GNA14: variants seen among roughly 807,000 people sequenced by gnomAD.
The protein encoded by GNA14 is guanine nucleotide-binding protein subunit alpha-14.
GNA14 carries 50 observed loss-of-function variants against 42.0 expected under a neutral mutation model. The ratio of observed to expected loss-of-function variants is 1.19; its 90% CI spans 0.95 to 1.51. The LOEUF is 1.51. Ranked by LOEUF, GNA14 falls within the 40% of genes most tolerant of loss-of-function variation. The pLI is 0.00. For missense variants in GNA14, 473 were observed against 446.2 expected, an observed-to-expected ratio of 1.06 and a Z score of -0.54; for synonymous variants, 173 against 163.1, an observed-to-expected ratio of 1.06 and a Z score of -0.46.
chr9:77,541,680 T>C (rs1837662461), intron 1 of GNA14, among the ~76,000 whole-genome samples: 1 of 152,178 alleles, frequency 6.6e-6, no homozygotes, highest in Admixed American at 6.5e-5. Flanking sequence ...ATTTAAATTT[T>C]GGTTGCTTTA....
chr9:77,466,952 TGCTTAA>T (rs1241422470), intron 2 of GNA14, among the ~76,000 whole-genome samples: 2 of 151,940 alleles, frequency 1.3e-5, no homozygotes, highest in Non-Finnish European at 2.9e-5. Flanking sequence ...TCAAAGGTTG[TGCTTAA>T]GCCCTCTCAG....
chr9:77,477,260 T>C (rs1032756146), intron 2 of GNA14, among the ~76,000 whole-genome samples: 14 of 152,120 alleles, frequency 9.2e-5, no homozygotes, highest in East Asian at 5.8e-4. Flanking sequence ...GGTGGGAGGA[T>C]TGCTTGAGCC....
intron 1 of GNA14, 96 bp downstream of exon 1, chr9:77,647,574 G>C (rs569754038): frequency 3.0e-5 from 41 of 1,385,934 alleles, no homozygotes; most frequent in Non-Finnish European, 3.8e-5. Flanking sequence ...CCTGCACCCC[G>C]CTGGGCTCCA....
intron 2 of GNA14, among the ~76,000 whole-genome samples, chr9:77,489,905 G>T (rs557890737): frequency 6.6e-6 from 1 of 152,244 alleles, no homozygotes; most frequent in South Asian, 2.1e-4. Flanking sequence ...GAAGGGGACC[G>T]GAGCAGGTTG....
chr9:77,451,082 C>T (rs1835893955), intron 2 of GNA14, among the ~76,000 whole-genome samples: 1 of 152,120 alleles, frequency 6.6e-6, no homozygotes, highest in Non-Finnish European at 1.5e-5. Flanking sequence ...AATACGGCAT[C>T]TGAGTATAGT....
At chr9:77,481,580 G>C (rs565429484) in intron 2 of GNA14, among the ~76,000 whole-genome samples, 2,915 of 150,858 alleles carry the variant, frequency 0.019, 82 homozygotes, top group African/African-American at 0.065. Context: ...TGGTGCAGAG[G>C]TGAGTTCAAT....
intron 2 of GNA14, among the ~76,000 whole-genome samples, chr9:77,474,726 C>T (rs887381877): frequency 1.3e-5 from 2 of 152,054 alleles, no homozygotes; most frequent in South Asian, 4.2e-4. Context: ...TTCATAATAG[C>T]CAAAAAGTGG....
intron 2 of GNA14, among the ~76,000 whole-genome samples, chr9:77,454,026 T>C (rs180734718): frequency 6.6e-6 from 1 of 152,384 alleles, no homozygotes; most frequent in East Asian, 1.9e-4. Context: ...TCTTCTCATT[T>C]GCACAGGCAC....
At chr9:77,495,242 T>A (rs1380857143) in intron 2 of GNA14, among the ~76,000 whole-genome samples, 3 of 151,868 alleles carry the variant, frequency 2.0e-5, no homozygotes, top group African/African-American at 7.3e-5. Flanking sequence ...TTAGAGGAGT[T>A]GTGGGGGAAA....
At chr9:77,468,579 G>A (rs1386355660) in intron 2 of GNA14, among the ~76,000 whole-genome samples, 1 of 152,216 alleles carries the variant, frequency 6.6e-6, no homozygotes, top group Non-Finnish European at 1.5e-5. Flanking sequence ...TTCCAGGAAT[G>A]TGGGACTATT....
chr9:77,603,828 C>T (rs901976358), intron 1 of GNA14, among the ~76,000 whole-genome samples: 4 of 151,102 alleles, frequency 2.6e-5, no homozygotes, highest in East Asian at 3.9e-4. Flanking sequence ...ATTAGCCAGG[C>T]GTGGTGGCGG....
intron 2 of GNA14, among the ~76,000 whole-genome samples, chr9:77,507,509 C>A (rs553072782): frequency 1.3e-4 from 20 of 152,266 alleles, no homozygotes; most frequent in Admixed American, 5.2e-4. Context: ...AAGCCAAGAA[C>A]AGCAACTGAA....
chr9:77,473,705 T>A (rs1403638515), intron 2 of GNA14, among the ~76,000 whole-genome samples: 1 of 151,992 alleles, frequency 6.6e-6, no homozygotes, highest in Non-Finnish European at 1.5e-5. Context: ...ACAAGGTTTT[T>A]TCAAAACCTT....
chr9:77,486,207 G>A (rs771752841), intron 2 of GNA14, among the ~76,000 whole-genome samples: 2 of 152,208 alleles, frequency 1.3e-5, no homozygotes, highest in Non-Finnish European at 2.9e-5. Context: ...AGCACCTGCT[G>A]TTTCACCTTG....
chr9:77,475,545 TG>T (rs149949596), intron 2 of GNA14, among the ~76,000 whole-genome samples: 4,433 of 152,272 alleles, frequency 0.029, 154 homozygotes, highest in African/African-American at 0.079. Context: ...TGGGGGAATC[TG>T]GCTGTGAAGG....
chr9:77,560,003 C>T (rs1400506328), intron 1 of GNA14, among the ~76,000 whole-genome samples: 1 of 152,112 alleles, frequency 6.6e-6, no homozygotes, highest in Non-Finnish European at 1.5e-5. Context: ...TCACCCATGG[C>T]TACCCATGAG....
intron 1 of GNA14, among the ~76,000 whole-genome samples, chr9:77,614,488 A>G (rs1823779703): frequency 6.6e-6 from 1 of 152,170 alleles, no homozygotes; most frequent in African/African-American, 2.4e-5. Flanking sequence ...TATTAATTCA[A>G]ATAAGCACAG....
At position 77,456,757 on chromosome 9, in the gene GNA14, G is replaced by C. The variant is rs992846277; in HGVS notation, c.310-22235C>G. Among the ~76,000 whole-genome samples the C allele has an allele frequency of 5.9e-5, 9 of 151,848 alleles. No individual in the cohort carries two copies. The East Asian group carries it at 7.7e-4, about 13-fold the overall frequency. Reference sequence around the variant, plus strand: ...CACATTCTTTAACCCTACTCCAAAGGATATTATTTATACAATAAATATAAT... The same window carrying C: ...CACATTCTTTAACCCTACTCCAAAGCATATTATTTATACAATAAATATAAT... On this transcript the variant is annotated intron_variant, in intron 2 of 6. Coordinates refer to ENST00000341700, the MANE Select transcript of GNA14 (RefSeq NM_004297.4).
chr9:77,590,533 T>G (rs1823374209), intron 1 of GNA14, among the ~76,000 whole-genome samples: 1 of 152,194 alleles, frequency 6.6e-6, no homozygotes, highest in Admixed American at 6.5e-5. Context: ...ACAGCCCTGA[T>G]TTCTTGTATT....
Sources: gnomAD v4.1 joint callset for allele counts (sites outside exome capture counted in the v4.1 genomes callset) on GRCh38, gnomAD v4.1.1 for gene constraint, MANE v1.5 for transcripts, NCBI Gene and HGNC (gene_info 2026-07-23, HGNC 2026-07-21) for gene names.